Variants in TIAM1 observed in about 807,000 individuals in gnomAD.
TIAM1 encodes the protein TIAM Rac1 associated GEF 1, also known as rho guanine nucleotide exchange factor TIAM1.
A neutral mutation model predicts 163.5 loss-of-function variants in TIAM1; 65 were observed. That is an observed-to-expected ratio of 0.40 (90% confidence interval 0.33 to 0.49). TIAM1 has a LOEUF of 0.49. TIAM1 is among the 20% of genes least tolerant of loss of function. TIAM1 has a pLI of 0.77. For synonymous variants in TIAM1, 833 were observed against 810.1 expected (o/e 1.03, Z -0.48); for missense variants, 1,789 against 2,044.7 (o/e 0.87, Z 2.41).
Position 31,153,799 on chromosome 21 carries a change from G to A in TIAM1, c.3171+448C>T, listed in dbSNP as rs141424237. Among the ~76,000 whole-genome samples the A allele has an allele frequency of 8.8e-3, 1,343 of 152,072 alleles. 16 individuals carry two copies. Among genetic ancestry groups the A allele is most frequent in the African/African-American group, 0.03 (1,247 of 41,466 alleles). On this transcript the variant is annotated intron_variant, in intron 17 of 27. Transcript: ENST00000541036. ...GAAGGCTGGGCGTGGTAGCTCTCAC[G>A]CCTATAGTCCCAGTACTTTGGGAGG... is the stretch of plus-strand genomic sequence containing the variant.
At chr21:31,126,546 G>A (rs1601177774) in intron 26 of TIAM1, among the ~76,000 whole-genome samples, 1 of 152,118 alleles carries the variant, frequency 6.6e-6, no homozygotes. Context: ...CAGCCTGGGC[G>A]ACAGAGCAAG....
At chr21:31,227,660 G>GA (rs2088068918) in intron 6 of TIAM1, among the ~76,000 whole-genome samples, 1 of 152,102 alleles carries the variant, frequency 6.6e-6, no homozygotes, top group African/African-American at 2.4e-5. Flanking sequence ...AACTTAGGAG[G>GA]AAAAATGCAT....
intron 27 of TIAM1, among the ~76,000 whole-genome samples, chr21:31,121,602 G>A (rs962381400): frequency 2.0e-5 from 3 of 152,138 alleles, no homozygotes; most frequent in Non-Finnish European, 4.4e-5. Flanking sequence ...CCCAATTACA[G>A]TCTGTGTATC....
At chr21:31,279,237 C>T (rs181194135) in intron 2 of TIAM1, among the ~76,000 whole-genome samples, 1 of 152,094 alleles carries the variant, frequency 6.6e-6, no homozygotes, top group East Asian at 1.9e-4. Context: ...TTCTGACTTT[C>T]GTGGGGAAAA....
At chr21:31,441,257 T>C (rs1015090886) in intron 2 of TIAM1, among the ~76,000 whole-genome samples, 2 of 152,216 alleles carry the variant, frequency 1.3e-5, no homozygotes, top group African/African-American at 4.8e-5. Flanking sequence ...TTAGCAAATA[T>C]TATAAACAGC....
intron 16 of TIAM1, 45 bp downstream of exon 16, chr21:31,164,917 C>T: frequency 6.3e-7 from 1 of 1,588,760 alleles, no homozygotes; most frequent in South Asian, 1.1e-5. Flanking sequence ...AGCTGTGATT[C>T]TTCAGTGGTT....
chr21:31,213,866 CAAAAA>C lies in TIAM1; in HGVS notation c.2143-399_2143-395del, dbSNP rs35524539. On this transcript the variant is annotated intron_variant, in intron 9 of 27. Transcript: ENST00000541036. ...GCAATATAGTTAGACCTCATCTCTA[CAAAAA>C]AAAAAAAAAAAAAAGAATTACATTA... 1.3e-3 allele frequency among the ~76,000 whole-genome samples: 69 copies of C among 54,846 alleles called. 1 individual carries two copies. The highest frequency in any genetic ancestry group is 4.2e-3 in the African/African-American group (67 of 16,116). 36.0% of individuals were successfully genotyped at this position (54,846 alleles called of 152,430 possible).
intron 16 of TIAM1, among the ~76,000 whole-genome samples, chr21:31,158,732 C>G (rs2083750172): frequency 6.6e-6 from 1 of 152,104 alleles, no homozygotes; most frequent in African/African-American, 2.4e-5. Context: ...TTTAGAATAC[C>G]TCTAAGCTAG....
At position 31,154,378 on chromosome 21, in the gene TIAM1, G is replaced by T. The variant is rs756732188; in HGVS notation, c.3040C>A (p.Pro1014Thr). ...TGAGGAGATGGGCTCTGGTCAGAGG[G>T]GTTCATCTCATGCAAACTGCGGCAA... ...AFCRSLHEMN[P>T]SDQSPSPQDS... The change falls in exon 17 of 28, where the codon CCC becomes ACC. Residue 1014 changes from proline (P) to threonine (T), a missense_variant. Pro to Thr is a conservative substitution (Grantham distance 38). Around this residue, in one of 5 missense-constraint regions of TIAM1, gnomAD observed 303 missense variants for 321.3 expected, o/e 0.94. Transcript: ENST00000541036. 5 of 1,614,090 alleles carry T rather than the reference G, an allele frequency of 3.1e-6. No individual in the cohort carries two copies. The highest frequency in any genetic ancestry group is 1.3e-5 in the African/African-American group (1 of 75,032).
At chr21:31,529,720 T>C (rs2047911667) in intron 1 of TIAM1, among the ~76,000 whole-genome samples, 1 of 152,198 alleles carries the variant, frequency 6.6e-6, no homozygotes, top group South Asian at 2.1e-4. Context: ...GCAAGACAGC[T>C]GTGCAGACAT....
chr21:31,162,086 A>T (rs2146354656), intron 16 of TIAM1, among the ~76,000 whole-genome samples: 1 of 152,238 alleles, frequency 6.6e-6, no homozygotes, highest in East Asian at 1.9e-4. Flanking sequence ...TCTGGACACA[A>T]GGTAGTTTTA....
chr21:31,299,120 T>A (rs561835816), intron 2 of TIAM1, among the ~76,000 whole-genome samples: 2 of 152,350 alleles, frequency 1.3e-5, no homozygotes, highest in African/African-American at 2.4e-5. Flanking sequence ...TTTCTTGTCT[T>A]GTTTTGTTAT....
At chr21:31,367,630 C>T (rs1476451720) in intron 2 of TIAM1, among the ~76,000 whole-genome samples, 3 of 152,268 alleles carry the variant, frequency 2.0e-5, no homozygotes, top group East Asian at 3.9e-4. Flanking sequence ...TGACAGGCCT[C>T]ATGCATTCTA....
intron 1 of TIAM1, among the ~76,000 whole-genome samples, chr21:31,550,940 G>A (rs748260328): frequency 4.6e-5 from 7 of 152,246 alleles, no homozygotes; most frequent in Non-Finnish European, 8.8e-5. Flanking sequence ...GCCAGGCGCA[G>A]TGGCTCACGC....
At chr21:31,355,112 G>T (rs191020158) in intron 2 of TIAM1, among the ~76,000 whole-genome samples, 2 of 151,484 alleles carry the variant, frequency 1.3e-5, no homozygotes, top group East Asian at 1.9e-4. Flanking sequence ...AGTCAGGTCG[G>T]CTGGGTCTGA....
intron 19 of TIAM1, among the ~76,000 whole-genome samples, chr21:31,151,826 T>C (rs2083384418): frequency 6.6e-6 from 1 of 152,114 alleles, no homozygotes; most frequent in Non-Finnish European, 1.5e-5. Flanking sequence ...ACAGGAAATC[T>C]GCAATAAAAG....
At chr21:31,422,827 T>C (rs1471313116) in intron 2 of TIAM1, among the ~76,000 whole-genome samples, 2 of 152,166 alleles carry the variant, frequency 1.3e-5, no homozygotes, top group Non-Finnish European at 2.9e-5. Flanking sequence ...TTGTTCACCT[T>C]CCAAAATCCC....
At position 31,276,859 on chromosome 21, in the gene TIAM1, T is replaced by C. The variant is rs1205208216; in HGVS notation, c.-139A>G. The C allele has an allele frequency of 6.6e-6, 1 of 152,174 alleles. No homozygotes were observed. The highest frequency in any genetic ancestry group is 1.5e-5 in the Non-Finnish European group (1 of 68,034). The allele number at this position is 152,174 out of a possible 1,614,324, so 9.4% of individuals were successfully genotyped here. On this transcript the variant is annotated 5_prime_UTR_variant, in exon 3 of 28. Coordinates refer to ENST00000541036, the MANE Select transcript of TIAM1 (RefSeq NM_001353694.2). ...GGGGACGATGTCAGCACCTGCCCCC[T>C]GCGGTGGCCATCACAGTTTCATCTA...
intron 2 of TIAM1, among the ~76,000 whole-genome samples, chr21:31,409,822 G>A (rs2077314680): frequency 6.6e-6 from 1 of 152,038 alleles, no homozygotes; most frequent in Non-Finnish European, 1.5e-5. Flanking sequence ...TTGGCTAAAA[G>A]TTCTAACCCT....
Sources: allele counts gnomAD v4.1 joint callset (sites outside exome capture counted in the v4.1 genomes callset), GRCh38; gene constraint gnomAD v4.1.1; regional missense constraint gnomAD v4.1.1; transcripts MANE v1.5; gene names NCBI Gene and HGNC (gene_info 2026-07-23, HGNC 2026-07-21).